The following CRYBG1 variants were observed in gnomAD, a reference collection of about 807,000 sequenced individuals.
The protein encoded by CRYBG1 is crystallin beta-gamma domain containing 1, also known as beta/gamma crystallin domain-containing protein 1.
CRYBG1 carries 139 observed loss-of-function variants against 189.2 expected under a neutral mutation model. The ratio of observed to expected loss-of-function variants is 0.73; its 90% CI spans 0.64 to 0.85. The LOEUF (loss-of-function observed/expected upper bound fraction) is 0.85, where lower values mean the gene tolerates loss of function less well. Among genes scored for constraint, CRYBG1 ranks in the 40% least tolerant of loss-of-function variants. CRYBG1 has a pLI of 0.00. For missense variants in CRYBG1, 2,611 were observed against 2,675.8 expected (o/e 0.98, Z 0.53); for synonymous variants, 1,023 against 1,017.1 (o/e 1.01, Z -0.11).
rs551706662 is a variant in CRYBG1 at position 106,511,732 on chromosome 6, C to G, written c.615C>G (p.Ala205=). 13 of 1,535,282 alleles carry G rather than the reference C, an allele frequency of 8.5e-6. No individual in the cohort carries two copies. Among genetic ancestry groups the G allele is most frequent in the South Asian group, 3.6e-5 (3 of 84,018 alleles). The part of the protein sequence containing the change: ...GELPESGGPA[A]PPDAELSPRW... ...TCCCCGAGAGCGGTGGCCCCGCAGC[C>G]CCCCCTGACGCCGAGCTGTCACCTC... The change falls in exon 3 of 22, where the codon GCC becomes GCG. Residue 205 remains alanine, a synonymous_variant. Transcript: ENST00000633556.
intron 3 of CRYBG1, among the ~76,000 whole-genome samples, chr6:106,514,071 CAT>C (rs1773362618): frequency 6.6e-6 from 1 of 152,138 alleles, no homozygotes; most frequent in Admixed American, 6.5e-5. Context: ...CGAATGTTAC[CAT>C]CTGTAAATCC....
intron 1 of CRYBG1, among the ~76,000 whole-genome samples, chr6:106,415,087 G>A (rs536174481): frequency 1.3e-5 from 2 of 152,150 alleles, no homozygotes; most frequent in South Asian, 2.1e-4. Context: ...TACAATCTTT[G>A]AGTCCAGGCT....
chr6:106,464,271 G>T (rs558973358), intron 2 of CRYBG1, among the ~76,000 whole-genome samples: 343 of 152,270 alleles, frequency 2.3e-3, no homozygotes, highest in African/African-American at 7.8e-3. Flanking sequence ...AAGGCGGGCG[G>T]ATCACAAGGT....
At chr6:106,468,538 G>T (rs1284052698) in intron 2 of CRYBG1, among the ~76,000 whole-genome samples, 1 of 152,142 alleles carries the variant, frequency 6.6e-6, no homozygotes, top group African/African-American at 2.4e-5. Flanking sequence ...ACAAAAATGT[G>T]AATTAGCCGG....
intron 2 of CRYBG1, among the ~76,000 whole-genome samples, chr6:106,470,615 A>G (rs1418161870): frequency 6.6e-6 from 1 of 152,158 alleles, no homozygotes; most frequent in Admixed American, 6.5e-5. Context: ...CTATAAAAAG[A>G]TGAGTCTAGA....
intron 2 of CRYBG1, among the ~76,000 whole-genome samples, chr6:106,493,738 A>G (rs1428447797): frequency 6.6e-6 from 1 of 152,192 alleles, no homozygotes; most frequent in Middle Eastern, 3.2e-3. Context: ...GCATGTTCTC[A>G]CTTATAAGTG....
intron 2 of CRYBG1, among the ~76,000 whole-genome samples, chr6:106,483,534 G>T (rs1256539230): frequency 6.6e-6 from 1 of 151,826 alleles, no homozygotes; most frequent in South Asian, 2.1e-4. Context: ...TACATACCCA[G>T]CAATGGGATT....
intron 3 of CRYBG1, among the ~76,000 whole-genome samples, chr6:106,517,032 CAG>C (rs1210131600): frequency 4.4e-5 from 5 of 113,470 alleles, no homozygotes; most frequent in Non-Finnish European, 1.7e-5. Context: ...TTTTTTGAGA[CAG>C]AGTCTCACTT....
chr6:106,460,087 T>C (rs6924254), intron 2 of CRYBG1, among the ~76,000 whole-genome samples: 106,300 of 151,662 alleles, frequency 0.7, 37,645 homozygotes, highest in East Asian at 0.81. Flanking sequence ...CCCGGGGTCA[T>C]GCCATTCTCC....
intron 1 of CRYBG1, among the ~76,000 whole-genome samples, chr6:106,427,651 C>G (rs192147174): frequency 1.9e-4 from 29 of 152,264 alleles, no homozygotes; most frequent in Non-Finnish European, 2.5e-4. Flanking sequence ...AGTCAGTTCT[C>G]TATGTATTAG....
intron 16 of CRYBG1, among the ~76,000 whole-genome samples, chr6:106,554,183 G>GC (rs1333881044): frequency 3.9e-5 from 6 of 152,220 alleles, no homozygotes; most frequent in Non-Finnish European, 8.8e-5. Context: ...AGCAATCTGT[G>GC]CAAGAGGTGT....
At chr6:106,384,725 T>C (rs1268422031) in intron 1 of CRYBG1, among the ~76,000 whole-genome samples, 2 of 152,088 alleles carry the variant, frequency 1.3e-5, no homozygotes, top group Non-Finnish European at 2.9e-5. Flanking sequence ...CTTTTAAGTA[T>C]GTTAAGTATG....
intron 8 of CRYBG1, among the ~76,000 whole-genome samples, chr6:106,534,133 G>A (rs1189381047): frequency 6.6e-6 from 1 of 152,102 alleles, no homozygotes; most frequent in Non-Finnish European, 1.5e-5. Flanking sequence ...AATGAAAAAG[G>A]CATCTGTTAT....
intron 2 of CRYBG1, among the ~76,000 whole-genome samples, chr6:106,479,088 A>G (rs1271951618): frequency 6.6e-6 from 1 of 152,204 alleles, no homozygotes; most frequent in Non-Finnish European, 1.5e-5. Flanking sequence ...TTATTGCCAA[A>G]AAATGCCACC....
At chr6:106,463,721 A>T (rs1333089466) in intron 2 of CRYBG1, among the ~76,000 whole-genome samples, 1 of 152,210 alleles carries the variant, frequency 6.6e-6, no homozygotes, top group Non-Finnish European at 1.5e-5. Context: ...TTAAGACTGC[A>T]GGAAAGGGAT....
chr6:106,559,105 G>A (rs550487366), intron 18 of CRYBG1, among the ~76,000 whole-genome samples: 1 of 152,248 alleles, frequency 6.6e-6, no homozygotes, highest in South Asian at 2.1e-4. Flanking sequence ...CATATGTAAA[G>A]CATCTTTTAT....
At chr6:106,394,945 T>C (rs1242785149) in intron 1 of CRYBG1, among the ~76,000 whole-genome samples, 5 of 150,612 alleles carry the variant, frequency 3.3e-5, no homozygotes, top group African/African-American at 1.2e-4. Context: ...AACCTCTGCC[T>C]CCCGGGTTCA....
Position 106,543,424 on chromosome 6 carries a change from C to T in CRYBG1, c.4882-16C>T, listed in dbSNP as rs745392090. On this transcript the variant is annotated splice_polypyrimidine_tract_variant and intron_variant, in intron 10 of 21. Transcript: ENST00000633556. ...TACTTCTTACAGATTACTGGTATATCTCATTTCTATTGTAGGTAGTTGTTT... is the reference window on the plus strand; with the variant it reads ...TACTTCTTACAGATTACTGGTATATTTCATTTCTATTGTAGGTAGTTGTTT... The T allele has an allele frequency of 3.7e-4, 601 of 1,603,372 alleles. 1 individual carries two copies. The highest frequency in any genetic ancestry group is 4.8e-4 in the Non-Finnish European group (565 of 1,171,274).
At chr6:106,498,972 C>A (rs994199566) in intron 2 of CRYBG1, among the ~76,000 whole-genome samples, 1 of 151,676 alleles carries the variant, frequency 6.6e-6, no homozygotes, top group Non-Finnish European at 1.5e-5. Flanking sequence ...CTGTGTAATG[C>A]CCTGGGGAAA....
Sources: allele counts gnomAD v4.1 joint callset (sites outside exome capture counted in the v4.1 genomes callset), GRCh38; gene constraint gnomAD v4.1.1; transcripts MANE v1.5; gene names NCBI Gene and HGNC (gene_info 2026-07-23, HGNC 2026-07-21).